The following CHI3L1 variants were observed in gnomAD, a reference collection of about 807,000 sequenced individuals.
The protein encoded by CHI3L1 is chitinase-3-like protein 1.
Under a neutral mutation model 40.7 loss-of-function variants are expected in CHI3L1, and 30 were observed. The ratio of observed to expected loss-of-function variants is 0.74; its 90% CI spans 0.55 to 1.00. CHI3L1 has a LOEUF of 1.00. CHI3L1 is among the 50% of genes least tolerant of loss of function. The pLI, the probability that CHI3L1 is intolerant of heterozygous loss-of-function variation, is 0.00. For missense variants in CHI3L1, 493 were observed against 492.2 expected, an observed-to-expected ratio of 1.00 and a Z score of -0.01; for synonymous variants, 210 against 192.1, an observed-to-expected ratio of 1.09 and a Z score of -0.77.
intron 6 of CHI3L1, 34 bp from the exon 7 acceptor site, chr1:203,181,319 A>C: frequency 6.2e-7 from 1 of 1,609,018 alleles, no homozygotes; most frequent in Non-Finnish European, 8.5e-7. Context: ...TGAGGCAGGA[A>C]ATTATTAATA....
At chr1:203,183,235 A>G (rs1347210455) in intron 5 of CHI3L1, among the ~76,000 whole-genome samples, 8 of 152,190 alleles carry the variant, frequency 5.3e-5, no homozygotes, top group Non-Finnish European at 1.2e-4. Context: ...GGTATTGTGA[A>G]CAATTTGTTT....
intron 2 of CHI3L1, among the ~76,000 whole-genome samples, chr1:203,185,898 A>G (rs1656045736): frequency 6.6e-6 from 1 of 152,132 alleles, no homozygotes; most frequent in African/African-American, 2.4e-5. Context: ...CCGGAATGGC[A>G]GTCCTGTGCT....
rs1438599402 is a variant in CHI3L1, at chr1:203,186,288, T to TA, written c.55+27dup. 4 of 1,575,506 alleles carry TA rather than the reference T, an allele frequency of 2.5e-6. No homozygotes were observed. In the South Asian group the frequency reaches 4.7e-5, roughly 18 times the overall value. ...TGTGCCCTCGCCACGCCTCTGGACT[T>TA]AAAAGTGGAGGTGGAGGGATTACTC... On this transcript the variant is annotated intron_variant, in intron 2 of 9. Transcript: ENST00000255409.
chr1:203,179,998 G>C (rs2102199807), intron 8 of CHI3L1, 121 bp from the exon 9 acceptor site: 1 of 841,522 alleles, frequency 1.2e-6, no homozygotes, highest in South Asian at 1.7e-5. Flanking sequence ...CTCACTCTCT[G>C]CAGGGTCTGC....
At chr1:203,181,318 A>G (rs1655932518) in intron 6 of CHI3L1, 33 bp from the exon 7 acceptor site, 2 of 1,609,940 alleles carry the variant, frequency 1.2e-6, no homozygotes, top group Non-Finnish European at 1.7e-6. Context: ...GTGAGGCAGG[A>G]AATTATTAAT....
chr1:203,183,847 G>C (rs12410110), intron 4 of CHI3L1, 56 bp from the exon 5 acceptor site: 37,176 of 1,599,224 alleles, frequency 0.023, 882 homozygotes, highest in Admixed American at 0.12. Context: ...AGGTGCCTTG[G>C]GCCTCTGGTG....
chr1:203,179,824 G>T lies in CHI3L1; in HGVS notation c.948C>A (p.Val316=). The change falls in exon 9 of 10, where the codon GTC becomes GTA. Residue 316 remains valine, a synonymous_variant. Transcript: ENST00000255409. ...ACTGGTTGCCCTTGGTGGCATAGGG[G>T]ACCTGCTGGCCGAGGATTCTATGGA... ...ATVHRILGQQ[V]PYATKGNQWV... is the part of the protein sequence containing the mutation. The T allele has an allele frequency of 6.2e-7, 1 of 1,614,174 alleles. No individual in the cohort carries two copies. The highest frequency in any genetic ancestry group is 8.5e-7 in the Non-Finnish European group (1 of 1,180,012).
intron 7 of CHI3L1, 137 bp from the exon 8 acceptor site, chr1:203,180,789 C>T: frequency 1.5e-6 from 1 of 658,652 alleles, no homozygotes. Context: ...GGGAACGGAT[C>T]ATGTCACTTT....
chr1:203,182,697 G>A, intron 6 of CHI3L1, 34 bp downstream of exon 6: 6 of 1,613,274 alleles, frequency 3.7e-6, no homozygotes, highest in Non-Finnish European at 5.1e-6. Context: ...GTTGGCAGAG[G>A]TTCTGGGGAG....
chr1:203,182,589 A>G, intron 6 of CHI3L1, 142 bp downstream of exon 6: 1 of 886,014 alleles, frequency 1.1e-6, no homozygotes, highest in South Asian at 1.6e-5. Context: ...GACTTGCTCA[A>G]GGTCACACAT....
chr1:203,185,698 G>A (rs1323451396), intron 2 of CHI3L1, among the ~76,000 whole-genome samples: 4 of 152,170 alleles, frequency 2.6e-5, no homozygotes, highest in Non-Finnish European at 4.4e-5. Flanking sequence ...GGGACTTGGT[G>A]CCAGCACAGC....
Position 203,183,745 on chromosome 1 carries a change from T to G in CHI3L1, c.361A>C (p.Lys121Gln), listed in dbSNP as rs1655997095. Residue 121 changes from lysine to glutamine, a missense_variant, in exon 5 of 10, where the codon AAG becomes CAG. Physicochemically the swap from Lys to Gln is moderately conservative, Grantham distance 53. Coordinates refer to ENST00000255409, the MANE Select transcript of CHI3L1 (RefSeq NM_001276.4). ...GTGCGCAGAAATGGCGGTACTGACTTGATGAAAGTCCGGCGACTCTGGGTG... is the reference window on the plus strand; with the variant it reads ...GTGCGCAGAAATGGCGGTACTGACTGGATGAAAGTCCGGCGACTCTGGGTG... The part of the protein sequence containing the change: ...SNTQSRRTFI[K>Q]SVPPFLRTHG... 22 of 1,614,142 alleles carry G rather than the reference T, an allele frequency of 1.4e-5. No homozygotes were observed. Among genetic ancestry groups the G allele is most frequent in the Non-Finnish European group, 1.9e-5 (22 of 1,179,972 alleles).
rs1361968119 is a variant in CHI3L1 at position 203,181,159 on chromosome 1, C to T, written c.711+3G>A. On this transcript the variant is annotated splice_donor_region_variant and intron_variant, in intron 7 of 9. Transcript: ENST00000255409. ...CTGGCCCTCCCTCCTTCTGGGAACT[C>T]ACAGTGTTGCTGAATCTGTCAGGAC... is the stretch of plus-strand genomic sequence containing the variant. 1 of 1,613,734 alleles carries T rather than the reference C, an allele frequency of 6.2e-7. No individual in the cohort carries two copies. Among genetic ancestry groups the T allele is most frequent in the East Asian group, 2.2e-5 (1 of 44,864 alleles).
At chr1:203,185,118 G>GT in intron 3 of CHI3L1, 66 bp downstream of exon 3, 1 of 1,394,036 alleles carries the variant, frequency 7.2e-7, no homozygotes, top group Non-Finnish European at 1.0e-6. Context: ...TTCCTCCTGG[G>GT]TGGGGTTGCC....
At chr1:203,186,050 C>T (rs1397485641) in intron 2 of CHI3L1, among the ~76,000 whole-genome samples, 1 of 152,146 alleles carries the variant, frequency 6.6e-6, no homozygotes, top group African/African-American at 2.4e-5. Context: ...ACTAGCGGCT[C>T]CCAGGGGCTG....
In CHI3L1 at chr1:203,179,854, G is replaced by A. The variant is rs748943624; in HGVS notation, c.918C>T (p.Ala306=). 5 of 1,614,162 alleles carry A rather than the reference G, an allele frequency of 3.1e-6. No homozygotes were observed. In the South Asian group the frequency reaches 5.5e-5, roughly 18 times the overall value. ...YYEICDFLRG[A]TVHRILGQQV... ...GCTGGCCGAGGATTCTATGGACTGTGGCTCCGCGGAGGAAGTCACAGATCT... is the reference window on the plus strand; with the variant it reads ...GCTGGCCGAGGATTCTATGGACTGTAGCTCCGCGGAGGAAGTCACAGATCT... Residue 306 remains alanine, a synonymous_variant, in exon 9 of 10, where the codon GCC becomes GCT. Coordinates refer to ENST00000255409, the MANE Select transcript of CHI3L1 (RefSeq NM_001276.4).
intron 6 of CHI3L1, 72 bp from the exon 7 acceptor site, chr1:203,181,357 T>A (rs1427047360): frequency 2.6e-6 from 4 of 1,539,930 alleles, no homozygotes; most frequent in Non-Finnish European, 3.5e-6. Context: ...GCGTGGTGGC[T>A]CATACCTGGA....
rs1402593043 is a variant in CHI3L1 at position 203,179,605 on chromosome 1, G to A, written c.1012-20C>T. On this transcript the variant is annotated intron_variant, in intron 9 of 9. Coordinates refer to ENST00000255409, the MANE Select transcript of CHI3L1 (RefSeq NM_001276.4). ...CTGCACCTGGCAGGGGAGGCCCAGA[G>A]GAGCAGGGCTGGGTTCCCTGACCCA... 1 of 1,612,670 alleles carries A rather than the reference G, an allele frequency of 6.2e-7. No individual in the cohort carries two copies.
At chr1:203,186,575 A>T (rs7515776) in intron 1 of CHI3L1, 24 bp downstream of exon 1, 257,258 of 1,613,380 alleles carry the variant, frequency 0.16, 26,296 homozygotes, top group African/African-American at 0.44. Context: ...ACTCTGATGG[A>T]TTAACCTTGG....
Sources: allele counts gnomAD v4.1 joint callset (sites outside exome capture counted in the v4.1 genomes callset), GRCh38; gene constraint gnomAD v4.1.1; transcripts MANE v1.5; gene names NCBI Gene and HGNC (gene_info 2026-07-23, HGNC 2026-07-21).